The following PTPRA variants were observed in gnomAD, a reference collection of about 807,000 sequenced individuals.
The protein encoded by PTPRA is protein tyrosine phosphatase receptor type A.
PTPRA carries 25 observed loss-of-function variants against 104.8 expected under a neutral mutation model. The ratio of observed to expected loss-of-function variants is 0.24; its 90% CI spans 0.17 to 0.33. The LOEUF is 0.33. Among genes scored for constraint, PTPRA ranks in the 10% least tolerant of loss-of-function variants. The pLI is 1.00. For missense variants in PTPRA, 765 were observed against 1,015.3 expected, an observed-to-expected ratio of 0.75 and a Z score of 3.35; for synonymous variants, 323 against 368.9, an observed-to-expected ratio of 0.88 and a Z score of 1.43.
At chr20:3,031,162 G>A (rs1377256100) in intron 20 of PTPRA, among the ~76,000 whole-genome samples, 1 of 152,048 alleles carries the variant, frequency 6.6e-6, no homozygotes, top group East Asian at 1.9e-4. Flanking sequence ...AGTGAAACCT[G>A]ATAGCATTAG....
At chr20:2,905,690 CTTTT>C (rs11479039) in intron 1 of PTPRA, among the ~76,000 whole-genome samples, 9 of 70,634 alleles carry the variant, frequency 1.3e-4, no homozygotes, top group African/African-American at 4.4e-4. Flanking sequence ...TCATAAAATT[CTTTT>C]TTTTTTTTTT....
chr20:3,009,951 C>G (rs1247739249), intron 11 of PTPRA, among the ~76,000 whole-genome samples: 1 of 151,770 alleles, frequency 6.6e-6, no homozygotes, highest in Non-Finnish European at 1.5e-5. Flanking sequence ...CGGGCTCAAG[C>G]GATTCTCATG....
chr20:2,994,090 C>T (rs755444357), intron 9 of PTPRA, among the ~76,000 whole-genome samples: 1 of 152,242 alleles, frequency 6.6e-6, no homozygotes, highest in Non-Finnish European at 1.5e-5. Flanking sequence ...CAAGTAGCTA[C>T]CTCAAGGCCA....
At chr20:3,026,316 G>T (rs529833332) in intron 17 of PTPRA, among the ~76,000 whole-genome samples, 8 of 152,316 alleles carry the variant, frequency 5.3e-5, no homozygotes, top group African/African-American at 1.4e-4. Flanking sequence ...TGTCAAGAAG[G>T]AGCCTCAATC....
intron 20 of PTPRA, among the ~76,000 whole-genome samples, chr20:3,030,236 G>A (rs1327568053): frequency 2.6e-5 from 4 of 152,224 alleles, no homozygotes; most frequent in African/African-American, 9.7e-5. Context: ...CAGGGGGCAG[G>A]AAGCATTTCA....
chr20:2,912,962 T>C (rs1156703092), intron 1 of PTPRA, among the ~76,000 whole-genome samples: 1 of 152,216 alleles, frequency 6.6e-6, no homozygotes, highest in Non-Finnish European at 1.5e-5. Flanking sequence ...TTGCATTTTG[T>C]TTTTTATTTT....
chr20:2,904,423 C>T (rs2059343892), intron 1 of PTPRA, among the ~76,000 whole-genome samples: 1 of 151,924 alleles, frequency 6.6e-6, no homozygotes, highest in African/African-American at 2.4e-5. Context: ...ATAATCCCAG[C>T]ACTTTGGGAG....
At chr20:2,962,585 TGA>T (rs1262927244) in intron 3 of PTPRA, among the ~76,000 whole-genome samples, 1 of 152,238 alleles carries the variant, frequency 6.6e-6, no homozygotes, top group Non-Finnish European at 1.5e-5. Flanking sequence ...GGAAATTGTA[TGA>T]GTTTCCAATT....
Position 2,984,254 on chromosome 20 carries a change from T to A in PTPRA, c.443-2511T>A, listed in dbSNP as rs535500261. 3.2e-4 allele frequency among the ~76,000 whole-genome samples: 48 copies of A among 152,292 alleles called. No homozygotes were observed. The South Asian group carries it at 6.4e-3, about 20-fold the overall frequency. On this transcript the variant is annotated intron_variant, in intron 6 of 23. Transcript: ENST00000399903. ...CACCTCACTCACATCTCCCTCCATC[T>A]GTCATTCCTTTCCTCTGCATCCCTT...
chr20:2,864,680 G>T, the PTPRA span: 1 of 1,610,402 alleles, frequency 6.2e-7, no homozygotes, highest in Middle Eastern at 1.7e-4. The surrounding 1 kb of genome is among the most constrained non-coding windows in gnomAD (Gnocchi z 5.2). Flanking sequence ...GGCGTGTGGG[G>T]CGTGTGGGGC....
rs542850311 is a variant in PTPRA, at chr20:2,885,724, T to C, written c.-129+11964T>C. On this transcript the variant is annotated intron_variant, in intron 1 of 23. Coordinates refer to ENST00000399903, the MANE Select transcript of PTPRA (RefSeq NM_001385305.1). ...TTATAGGACAAATGAACCCATTTAC[T>C]TCAAATGAATGGCAAGAAAAAAAAA... Among the ~76,000 whole-genome samples, 291 of 152,252 alleles carry C rather than the reference T, an allele frequency of 1.9e-3. 1 individual carries two copies. The highest frequency in any genetic ancestry group is 2.8e-3 in the Non-Finnish European group (190 of 68,002).
chr20:3,005,254 A>G (rs2063810266), intron 10 of PTPRA, 108 bp downstream of exon 10: 1 of 1,108,044 alleles, frequency 9.0e-7, no homozygotes. Context: ...GTGAATAACA[A>G]GAGTGCGTTC....
intron 20 of PTPRA, among the ~76,000 whole-genome samples, chr20:3,028,482 C>T (rs747150090): frequency 1.3e-5 from 2 of 152,154 alleles, no homozygotes; most frequent in Non-Finnish European, 2.9e-5. Flanking sequence ...TATAGGAAAC[C>T]TCCTAATATT....
intron 6 of PTPRA, among the ~76,000 whole-genome samples, chr20:2,980,094 T>C (rs1293683215): frequency 6.6e-6 from 1 of 151,332 alleles, no homozygotes; most frequent in Admixed American, 6.6e-5. Context: ...GTATTTTTAG[T>C]AGAGATGGGG....
chr20:3,002,380 G>A (rs2063673984), intron 9 of PTPRA, among the ~76,000 whole-genome samples: 1 of 142,148 alleles, frequency 7.0e-6, no homozygotes, highest in Non-Finnish European at 1.5e-5. Context: ...AGGCTGGAGT[G>A]CAATGGCGCA....
intron 1 of PTPRA, among the ~76,000 whole-genome samples, chr20:2,899,675 A>G (rs2059153408): frequency 2.0e-5 from 3 of 152,226 alleles, no homozygotes; most frequent in Admixed American, 1.3e-4. Flanking sequence ...ATGATTATAT[A>G]GGTATGTATG....
intron 1 of PTPRA, among the ~76,000 whole-genome samples, chr20:2,885,579 A>G (rs1417791870): frequency 6.6e-6 from 1 of 152,220 alleles, no homozygotes; most frequent in Admixed American, 6.5e-5. Context: ...TAGGAAGAAC[A>G]TATCATTCAT....
intron 2 of PTPRA, among the ~76,000 whole-genome samples, chr20:2,933,751 A>G (rs1277531909): frequency 6.6e-6 from 1 of 152,060 alleles, no homozygotes; most frequent in Non-Finnish European, 1.5e-5. Context: ...TGCAGCCACC[A>G]TGGCCAGCCT....
Position 2,960,272 on chromosome 20 carries a change from C to T in PTPRA, c.-6-4000C>T, listed in dbSNP as rs1429453072. ...TGATTTTTTTTTTTTTTTTTTGAGA[C>T]GGAGTCTCACTCTGTCCCCCAGGCC... On this transcript the variant is annotated intron_variant, in intron 3 of 23. Coordinates refer to ENST00000399903, the MANE Select transcript of PTPRA (RefSeq NM_001385305.1). 4.8e-5 allele frequency among the ~76,000 whole-genome samples: 7 copies of T among 145,010 alleles called. No homozygotes were observed. The South Asian group carries it at 8.9e-4, about 18-fold the overall frequency.
Sources: gnomAD v4.1 joint callset for allele counts (sites outside exome capture counted in the v4.1 genomes callset) on GRCh38, gnomAD v4.1.1 for gene constraint, Gnocchi (gnomAD v3.1) non-coding constraint, MANE v1.5 for transcripts, NCBI Gene and HGNC (gene_info 2026-07-23, HGNC 2026-07-21) for gene names.